The following DTNBP1 variants were observed in gnomAD, a reference collection of about 807,000 sequenced individuals.
DTNBP1 encodes the protein dystrobrevin binding protein 1, also known as dysbindin.
DTNBP1 carries 35 observed loss-of-function variants against 42.8 expected under a neutral mutation model. That is an observed-to-expected ratio of 0.82 (90% CI 0.63 to 1.09). DTNBP1 has a LOEUF of 1.09. Among genes scored for constraint, DTNBP1 ranks in the 50% least tolerant of loss-of-function variants. The pLI is 0.00. For missense variants in DTNBP1, 457 were observed against 424.2 expected (o/e 1.08, Z -0.68); for synonymous variants, 171 against 162.2 (o/e 1.05, Z -0.41).
At chr6:15,658,469 G>A (rs1761406046) in intron 1 of DTNBP1, among the ~76,000 whole-genome samples, 1 of 152,124 alleles carries the variant, frequency 6.6e-6, no homozygotes, top group South Asian at 2.1e-4. Flanking sequence ...CAGGTGGGCG[G>A]CAGGGGCAGT....
chr6:15,660,589 C>A (rs1236652096), intron 1 of DTNBP1: 9 of 1,277,812 alleles, frequency 7.0e-6, no homozygotes, highest in Non-Finnish European at 8.2e-6. Flanking sequence ...CAAAATGGCC[C>A]CAGACTACGG....
chr6:15,524,355 T>C (rs754394837), intron 9 of DTNBP1, 171 bp downstream of exon 9: 4 of 1,613,100 alleles, frequency 2.5e-6, no homozygotes, highest in African/African-American at 2.7e-5. Flanking sequence ...CACACCACTG[T>C]TGCAGCTGCC....
Position 15,662,383 on chromosome 6 carries a change from G to C in DTNBP1, c.56+431C>G, listed in dbSNP as rs543688058. ...GCGCGGTGCGATCCGACTCGGGGAGGGTGGCTGGCCCAGCTCCAGGTGCGC... is the reference window on the plus strand; with the variant it reads ...GCGCGGTGCGATCCGACTCGGGGAGCGTGGCTGGCCCAGCTCCAGGTGCGC... On this transcript the variant is annotated intron_variant, in intron 1 of 9. Transcript: ENST00000344537. 2.6e-5 allele frequency among the ~76,000 whole-genome samples: 4 copies of C among 152,360 alleles called. No homozygotes were observed. The East Asian group carries it at 7.7e-4, about 29-fold the overall frequency.
At chr6:15,657,081 G>A (rs554685077) in intron 1 of DTNBP1, among the ~76,000 whole-genome samples, 1 of 152,212 alleles carries the variant, frequency 6.6e-6, no homozygotes, top group South Asian at 2.1e-4. Flanking sequence ...AGTGCAAATG[G>A]CCTAAGGTAC....
chr6:15,560,352 G>T (rs9476849), intron 7 of DTNBP1, among the ~76,000 whole-genome samples: 1 of 151,816 alleles, frequency 6.6e-6, no homozygotes. Flanking sequence ...TAAAATTCAT[G>T]GTCTGAAATT....
chr6:15,585,255 G>T (rs577657449), intron 7 of DTNBP1, among the ~76,000 whole-genome samples: 2 of 150,844 alleles, frequency 1.3e-5, no homozygotes, highest in East Asian at 3.9e-4. Flanking sequence ...TCTATTAACT[G>T]CCTCTTGGAA....
At chr6:15,576,649 A>G (rs1775586096) in intron 7 of DTNBP1, among the ~76,000 whole-genome samples, 1 of 151,560 alleles carries the variant, frequency 6.6e-6, no homozygotes, top group South Asian at 2.1e-4. Flanking sequence ...TGTGCCTGTA[A>G]TTCTAGCTAC....
chr6:15,593,479 T>C (rs1404166815), intron 6 of DTNBP1, among the ~76,000 whole-genome samples: 3 of 152,234 alleles, frequency 2.0e-5, no homozygotes, highest in African/African-American at 4.8e-5. Context: ...TACTGGATTT[T>C]TGAGATCGTT....
intron 2 of DTNBP1, among the ~76,000 whole-genome samples, chr6:15,651,685 A>T (rs539939219): frequency 1.7e-4 from 26 of 152,258 alleles, no homozygotes; most frequent in Admixed American, 1.5e-3. Flanking sequence ...TTACTTTATT[A>T]AAAAAATGGA....
chr6:15,626,060 G>A (rs1266391694), intron 5 of DTNBP1, among the ~76,000 whole-genome samples: 2 of 152,146 alleles, frequency 1.3e-5, no homozygotes, highest in East Asian at 3.9e-4. Flanking sequence ...ACAGTTCATA[G>A]AGACCTACTG....
At chr6:15,625,769 G>A (rs981011504) in intron 5 of DTNBP1, among the ~76,000 whole-genome samples, 1 of 152,154 alleles carries the variant, frequency 6.6e-6, no homozygotes, top group African/African-American at 2.4e-5. Context: ...GAACATGTCT[G>A]CAAAGAAACA....
At chr6:15,590,260 C>T (rs878898733) in intron 7 of DTNBP1, among the ~76,000 whole-genome samples, 2 of 152,050 alleles carry the variant, frequency 1.3e-5, no homozygotes, top group African/African-American at 2.4e-5. Context: ...ATTTTCAATT[C>T]GGATTCAACC....
chr6:15,622,299 A>G (rs1032019818), intron 5 of DTNBP1, among the ~76,000 whole-genome samples: 1 of 152,216 alleles, frequency 6.6e-6, no homozygotes, highest in Non-Finnish European at 1.5e-5. Context: ...AACAGAAGAA[A>G]TGATGAAAAT....
At chr6:15,649,866 A>T (rs919790677) in intron 3 of DTNBP1, among the ~76,000 whole-genome samples, 1 of 152,220 alleles carries the variant, frequency 6.6e-6, no homozygotes, top group Non-Finnish European at 1.5e-5. Context: ...TGATAGCTCT[A>T]ACATAAATTT....
chr6:15,534,426 C>T (rs1405656062), intron 7 of DTNBP1, among the ~76,000 whole-genome samples: 9 of 152,046 alleles, frequency 5.9e-5, no homozygotes, highest in East Asian at 1.9e-4. Flanking sequence ...CCGAGGCAGG[C>T]GGATCACCTG....
chr6:15,614,385 TTC>T (rs1337942045), intron 6 of DTNBP1, among the ~76,000 whole-genome samples: 1 of 151,704 alleles, frequency 6.6e-6, no homozygotes, highest in Non-Finnish European at 1.5e-5. Flanking sequence ...CTATCCATCT[TTC>T]TCTCCACCAA....
Position 15,547,538 on chromosome 6 carries a change from C to T in DTNBP1, c.512-14143G>A, listed in dbSNP as rs566143439. ...CAGCTGGTACAATCCATAGAAATGA[C>T]GGAAATGTTATCTCCTTAACTCTTG... On this transcript the variant is annotated intron_variant, in intron 7 of 9. Transcript: ENST00000344537. Among the ~76,000 whole-genome samples the T allele has an allele frequency of 1.3e-4, 20 of 152,272 alleles. No homozygotes were observed. The East Asian group carries it at 1.9e-3, about 15-fold the overall frequency.
rs761130660 is a variant in DTNBP1, at chr6:15,663,020, C to T, written c.-151G>A. ...CCCGGTCTGGTCCTCGCCGCCGCGC[C>T]GCAACCCCAGCCCCTTCCGCGTTCC... On this transcript the variant is annotated 5_prime_UTR_variant, in exon 1 of 10. Coordinates refer to ENST00000344537, the MANE Select transcript of DTNBP1 (RefSeq NM_032122.5). The T allele has an allele frequency of 4.4e-6, 5 of 1,130,306 alleles. No individual in the cohort carries two copies. Among genetic ancestry groups the T allele is most frequent in the Non-Finnish European group, 6.2e-6 (5 of 801,482 alleles). 70.0% of individuals were successfully genotyped at this position (1,130,306 alleles called of 1,614,324 possible).
chr6:15,618,650 T>C (rs953634379), intron 5 of DTNBP1, among the ~76,000 whole-genome samples: 3 of 152,064 alleles, frequency 2.0e-5, no homozygotes, highest in African/African-American at 7.2e-5. Flanking sequence ...ATAACCACTA[T>C]GGAAAACAGT....
Sources: allele counts gnomAD v4.1 joint callset (sites outside exome capture counted in the v4.1 genomes callset), GRCh38; gene constraint gnomAD v4.1.1; transcripts MANE v1.5; gene names NCBI Gene and HGNC (gene_info 2026-07-23, HGNC 2026-07-21).